Variants in PDE4D observed in about 807,000 individuals in gnomAD.
PDE4D encodes the protein 3',5'-cyclic-AMP phosphodiesterase 4D.
Under a neutral mutation model 87.4 loss-of-function variants are expected in PDE4D, and 24 were observed. That is an observed-to-expected ratio of 0.27 (90% CI 0.20 to 0.39). The LOEUF is 0.39. Among genes scored for constraint, PDE4D ranks in the 10% least tolerant of loss-of-function variants. The probability of loss-of-function intolerance (pLI) is 1.00; values close to 1 mark genes in which losing one functional copy is unlikely to be tolerated. For synonymous variants in PDE4D, 384 were observed against 383.2 expected, an observed-to-expected ratio of 1.00 and a Z score of -0.02; for missense variants, 714 against 1,041.0, an observed-to-expected ratio of 0.69 and a Z score of 4.32.
At chr5:59,430,247 A>G in intron 1 of PDE4D, 1 of 1,230,210 alleles carries the variant, frequency 8.1e-7, no homozygotes, top group Non-Finnish European at 1.0e-6. Flanking sequence ...AAGGGCAACA[A>G]AACACATTTT....
At chr5:59,629,030 C>T (rs1406793480) in intron 1 of PDE4D, among the ~76,000 whole-genome samples, 4 of 152,044 alleles carry the variant, frequency 2.6e-5, no homozygotes, top group African/African-American at 9.7e-5. Flanking sequence ...CTCATGAGAA[C>T]TCACTCACTA....
chr5:59,401,153 TC>T (rs1790539168), intron 1 of PDE4D, among the ~76,000 whole-genome samples: 1 of 152,224 alleles, frequency 6.6e-6, no homozygotes, highest in Non-Finnish European at 1.5e-5. Flanking sequence ...TAAGTAAATT[TC>T]ATGTTTATGG....
intron 1 of PDE4D, among the ~76,000 whole-genome samples, chr5:59,446,209 T>G (rs1798317926): frequency 6.6e-6 from 1 of 152,168 alleles, no homozygotes; most frequent in Non-Finnish European, 1.5e-5. Context: ...AATGGATCAT[T>G]TTATTTATAT....
At chr5:60,261,350 C>T (rs991066269) in intron 1 of PDE4D, among the ~76,000 whole-genome samples, 1 of 152,204 alleles carries the variant, frequency 6.6e-6, no homozygotes, top group South Asian at 2.1e-4. Context: ...GACCTGAAAA[C>T]AATTTGAACT....
At chr5:60,374,893 A>AT (rs1040033584) in intron 1 of PDE4D, among the ~76,000 whole-genome samples, 1 of 152,000 alleles carries the variant, frequency 6.6e-6, no homozygotes, top group Non-Finnish European at 1.5e-5. Context: ...GTATACGTAT[A>AT]TTTTTTTTCT....
intron 1 of PDE4D, among the ~76,000 whole-genome samples, chr5:59,576,452 T>G (rs1823169526): frequency 6.6e-6 from 1 of 151,984 alleles, no homozygotes; most frequent in Admixed American, 6.5e-5. Context: ...ATAACATTAT[T>G]TGAAAAATAT....
intron 1 of PDE4D, among the ~76,000 whole-genome samples, chr5:60,407,312 G>A (rs1741621696): frequency 6.6e-6 from 1 of 151,872 alleles, no homozygotes; most frequent in South Asian, 2.1e-4. Flanking sequence ...AAAAAGCAGG[G>A]CACATGTGCA....
intron 1 of PDE4D, among the ~76,000 whole-genome samples, chr5:59,308,783 G>A (rs961070738): frequency 6.6e-6 from 1 of 152,000 alleles, no homozygotes; most frequent in Non-Finnish European, 1.5e-5. Context: ...AGCTGTGGTA[G>A]TATGGGGAGG....
intron 1 of PDE4D, among the ~76,000 whole-genome samples, chr5:59,630,371 T>A (rs949725513): frequency 6.6e-6 from 1 of 152,192 alleles, no homozygotes; most frequent in African/African-American, 2.4e-5. Context: ...TAAAGTCATT[T>A]TTCTATGAGG....
intron 3 of PDE4D, among the ~76,000 whole-genome samples, chr5:59,187,212 T>C (rs1038770825): frequency 6.6e-6 from 1 of 152,142 alleles, no homozygotes; most frequent in Non-Finnish European, 1.5e-5. Flanking sequence ...AGAAAAAATT[T>C]CTGTAGAGGA....
chr5:59,923,864 C>T (rs1459132969), intron 3 of PDE4D, among the ~76,000 whole-genome samples: 10 of 152,254 alleles, frequency 6.6e-5, no homozygotes, highest in South Asian at 4.1e-4. Context: ...CCAAGGAAAA[C>T]GTGATCTCAC....
intron 5 of PDE4D, among the ~76,000 whole-genome samples, chr5:59,152,878 A>T (rs746524101): frequency 1.3e-5 from 2 of 152,128 alleles, no homozygotes; most frequent in Admixed American, 6.6e-5. Context: ...AAGACCATAA[A>T]ACAACACAAC....
chr5:60,346,738 A>G (rs1422898075), intron 1 of PDE4D, among the ~76,000 whole-genome samples: 1 of 152,136 alleles, frequency 6.6e-6, no homozygotes, highest in African/African-American at 2.4e-5. Flanking sequence ...TCTGGAATAA[A>G]GGGGATAAAC....
chr5:59,298,824 G>A (rs1462299594), intron 1 of PDE4D, among the ~76,000 whole-genome samples: 1 of 152,118 alleles, frequency 6.6e-6, no homozygotes, highest in Admixed American at 6.5e-5. Context: ...TTCAAATGTA[G>A]TCTAGAGAGA....
At chr5:60,415,567 C>G (rs1026592229) in intron 1 of PDE4D, among the ~76,000 whole-genome samples, 1 of 152,250 alleles carries the variant, frequency 6.6e-6, no homozygotes, top group African/African-American at 2.4e-5. Context: ...GCCGGCCCCG[C>G]CACCCCGGGC....
chr5:59,880,014 CA>C (rs1316954918), intron 1 of PDE4D, among the ~76,000 whole-genome samples: 5 of 152,202 alleles, frequency 3.3e-5, no homozygotes, highest in African/African-American at 1.2e-4. Flanking sequence ...GCTGGCATTG[CA>C]AGCGTGAGCC....
At chr5:59,510,048 C>T (rs983441617) in intron 1 of PDE4D, among the ~76,000 whole-genome samples, 11 of 150,028 alleles carry the variant, frequency 7.3e-5, no homozygotes, top group African/African-American at 2.7e-4. Context: ...ACAAATATCT[C>T]TTCTGTTAAA....
chr5:60,235,878 C>A (rs1280282026), intron 1 of PDE4D, among the ~76,000 whole-genome samples: 1 of 151,772 alleles, frequency 6.6e-6, no homozygotes, highest in Non-Finnish European at 1.5e-5. Flanking sequence ...CCTTATTAGA[C>A]TTTAATAGTT....
chr5:59,949,434 C>CAAA lies in PDE4D; in HGVS notation c.272+39051_272+39053dup, dbSNP rs59654913. Among the ~76,000 whole-genome samples the CAAA allele has an allele frequency of 8.3e-3, 470 of 56,958 alleles. 9 individuals are homozygous for CAAA. Among genetic ancestry groups the CAAA allele is most frequent in the African/African-American group, 0.022 (368 of 16,400 alleles). The allele number at this position is 56,958 out of a possible 152,430, so 37.4% of individuals were successfully genotyped here. A position where few individuals can be genotyped will look rare whatever the true frequency, so the allele number is the denominator to read the frequency against. On this transcript the variant is annotated intron_variant, in intron 3 of 16. Coordinates refer to the PDE4D transcript ENST00000502484. ...GGCGACAAAGCAAGACTCCGTCTCA[C>CAAA]AAAAAAAAAAAAAAAAAAAAAGAAT...
Sources: allele counts gnomAD v4.1 joint callset (sites outside exome capture counted in the v4.1 genomes callset), GRCh38; gene constraint gnomAD v4.1.1; transcripts MANE v1.5; gene names NCBI Gene and HGNC (gene_info 2026-07-23, HGNC 2026-07-21).